Variants in TPD52L1 observed in about 807,000 individuals in gnomAD.
TPD52L1 encodes the protein tumor protein D53.
A neutral mutation model predicts 28.7 loss-of-function variants in TPD52L1; 18 were observed. That is an observed-to-expected ratio of 0.63 (90% CI 0.43 to 0.93). The LOEUF is 0.93. TPD52L1 is among the 40% of genes least tolerant of loss of function. The pLI is 0.00. For synonymous variants in TPD52L1, 75 were observed against 88.8 expected (o/e 0.84, Z 0.88); for missense variants, 203 against 254.8 (o/e 0.80, Z 1.39).
intron 3 of TPD52L1, among the ~76,000 whole-genome samples, chr6:125,245,084 G>A (rs1796847535): frequency 6.6e-6 from 1 of 152,200 alleles, no homozygotes; most frequent in Non-Finnish European, 1.5e-5. Context: ...CAGTCTTCAG[G>A]TCTCCCAGCT....
At chr6:125,224,978 C>G (rs1795512234) in intron 2 of TPD52L1, among the ~76,000 whole-genome samples, 1 of 152,198 alleles carries the variant, frequency 6.6e-6, no homozygotes, top group African/African-American at 2.4e-5. Flanking sequence ...TGAAAGGAAA[C>G]TTGTACTCAT....
chr6:125,256,833 C>G (rs142753496), intron 5 of TPD52L1, among the ~76,000 whole-genome samples: 1 of 152,362 alleles, frequency 6.6e-6, no homozygotes, highest in Admixed American at 6.5e-5. Context: ...GGAATTATTA[C>G]AGTTGTGTCA....
At chr6:125,212,429 G>A (rs1239129605) in intron 1 of TPD52L1, among the ~76,000 whole-genome samples, 1 of 152,156 alleles carries the variant, frequency 6.6e-6, no homozygotes, top group African/African-American at 2.4e-5. Flanking sequence ...ATCATAGTTT[G>A]TAATCATTTT....
At chr6:125,154,501 T>C in intron 1 of TPD52L1, 1 of 985,276 alleles carries the variant, frequency 1.0e-6, no homozygotes, top group Non-Finnish European at 1.2e-6. Context: ...AGGTGAACGT[T>C]ACCGGCCCCC....
At chr6:125,189,039 C>T (rs919738738) in intron 1 of TPD52L1, among the ~76,000 whole-genome samples, 14 of 152,146 alleles carry the variant, frequency 9.2e-5, no homozygotes, top group African/African-American at 2.7e-4. Context: ...CCTTAGCTAA[C>T]GATTTTTCTC....
At chr6:125,219,235 T>C (rs890210918) in intron 1 of TPD52L1, among the ~76,000 whole-genome samples, 4 of 152,208 alleles carry the variant, frequency 2.6e-5, no homozygotes, top group Non-Finnish European at 5.9e-5. Flanking sequence ...GTCAGCCAGA[T>C]GTTGAGGGGC....
intron 2 of TPD52L1, among the ~76,000 whole-genome samples, chr6:125,224,057 G>GT (rs896220161): frequency 2.4e-4 from 36 of 147,616 alleles, no homozygotes; most frequent in East Asian, 1.4e-3. Flanking sequence ...TTACACACCT[G>GT]TTTTTTTTTT....
intron 1 of TPD52L1, chr6:125,203,613 T>G: frequency 1.0e-6 from 1 of 985,444 alleles, no homozygotes; most frequent in Non-Finnish European, 1.2e-6. Flanking sequence ...GTTTGGTCAC[T>G]GAAATGCTAA....
chr6:125,164,085 A>C (rs1372897734), intron 1 of TPD52L1, among the ~76,000 whole-genome samples: 1 of 152,194 alleles, frequency 6.6e-6, no homozygotes, highest in Non-Finnish European at 1.5e-5. Flanking sequence ...TGAAATCAGA[A>C]AGTTTGACTT....
intron 1 of TPD52L1, among the ~76,000 whole-genome samples, chr6:125,161,376 G>A (rs1790513768): frequency 6.6e-6 from 1 of 152,110 alleles, no homozygotes; most frequent in Non-Finnish European, 1.5e-5. Flanking sequence ...CTTATCATTT[G>A]TGTGTTCAGT....
chr6:125,201,628 G>C (rs1338916016), intron 1 of TPD52L1, among the ~76,000 whole-genome samples: 1 of 152,150 alleles, frequency 6.6e-6, no homozygotes, highest in African/African-American at 2.4e-5. Context: ...GCCAACACAG[G>C]CTCTTATCCC....
chr6:125,172,761 A>G (rs192325831), intron 1 of TPD52L1, among the ~76,000 whole-genome samples: 120 of 150,828 alleles, frequency 8.0e-4, no homozygotes, highest in Non-Finnish European at 1.4e-3. Flanking sequence ...CTTACTCTCC[A>G]GCACCTAGAA....
intron 6 of TPD52L1, among the ~76,000 whole-genome samples, chr6:125,258,077 G>C (rs1210693048): frequency 6.6e-6 from 1 of 152,174 alleles, no homozygotes; most frequent in East Asian, 1.9e-4. Context: ...TGTGCTGCCT[G>C]ATAAGTATAT....
intron 1 of TPD52L1, among the ~76,000 whole-genome samples, chr6:125,201,960 A>G (rs913890413): frequency 1.3e-5 from 2 of 152,244 alleles, no homozygotes; most frequent in African/African-American, 4.8e-5. Flanking sequence ...GAGACATTGA[A>G]GAAATGTGAA....
chr6:125,181,447 C>T (rs1049203561), intron 1 of TPD52L1, among the ~76,000 whole-genome samples: 7 of 152,140 alleles, frequency 4.6e-5, no homozygotes, highest in Non-Finnish European at 7.3e-5. Flanking sequence ...TATGTATATG[C>T]TGTCCATTTT....
At chr6:125,172,551 T>TATATATATATAAAA (rs533258594) in intron 1 of TPD52L1, among the ~76,000 whole-genome samples, 1 of 83,868 alleles carries the variant, frequency 1.2e-5, no homozygotes, top group Non-Finnish European at 2.2e-5. Flanking sequence ...TATATATATA[T>TATATATATATAAAA]AATATATATA....
chr6:125,229,239 G>C lies in TPD52L1; in HGVS notation c.257G>C (p.Ser86Thr). Residue 86 changes from serine (S) to threonine (T), a missense_variant, in exon 3 of 7, where the codon AGC (serine) becomes ACC (threonine). Physicochemically the swap from Ser to Thr is moderately conservative, Grantham distance 58. Coordinates refer to ENST00000534000, the MANE Select transcript of TPD52L1 (RefSeq NM_003287.4). ...GAATTAAAACAGAACTTCAGCAAAA[G>C]CTGGCATGACATGCAGACTACCACT... is the stretch of plus-strand genomic sequence containing the variant. ...MNELKQNFSK[S>T]WHDMQTTTAY... The C allele has an allele frequency of 6.2e-7, 1 of 1,613,286 alleles. No individual in the cohort carries two copies. Among genetic ancestry groups the C allele is most frequent in the Non-Finnish European group, 8.5e-7 (1 of 1,179,628 alleles).
At chr6:125,211,842 G>C (rs969871557) in intron 1 of TPD52L1, among the ~76,000 whole-genome samples, 12 of 152,332 alleles carry the variant, frequency 7.9e-5, no homozygotes, top group African/African-American at 2.6e-4. Context: ...GATACGAGTT[G>C]TTAGCAAATG....
intron 3 of TPD52L1, among the ~76,000 whole-genome samples, chr6:125,232,714 G>T (rs954512331): frequency 2.0e-5 from 3 of 152,114 alleles, no homozygotes; most frequent in Admixed American, 6.5e-5. Flanking sequence ...GATTCAAATT[G>T]AAATAGGCCT....
Sources: gnomAD v4.1 joint callset for allele counts (sites outside exome capture counted in the v4.1 genomes callset) on GRCh38, gnomAD v4.1.1 for gene constraint, MANE v1.5 for transcripts, NCBI Gene and HGNC (gene_info 2026-07-23, HGNC 2026-07-21) for gene names.